RAB27A: variants seen among roughly 807,000 people sequenced by gnomAD.
RAB27A encodes ras-related protein Rab-27A.
A neutral mutation model predicts 20.8 loss-of-function variants in RAB27A; 17 were observed. That is an observed-to-expected ratio of 0.82 (90% CI 0.56 to 1.23). The LOEUF (loss-of-function observed/expected upper bound fraction) is 1.23, where lower values mean the gene tolerates loss of function less well. Among genes scored for constraint, RAB27A ranks in the 50% most tolerant of loss-of-function variants. The pLI is 0.00. For synonymous variants in RAB27A, 85 were observed against 92.8 expected (o/e 0.92, Z 0.48); for missense variants, 277 against 266.7 (o/e 1.04, Z -0.27).
At chr15:55,306,325 A>G (rs975581161) in intron 2 of RAB27A, among the ~76,000 whole-genome samples, 1 of 152,146 alleles carries the variant, frequency 6.6e-6, no homozygotes, top group Admixed American at 6.5e-5. Flanking sequence ...GGCACATCCA[A>G]CAGTTAGTAG....
At chr15:55,208,391 G>A (rs1312690592) in intron 6 of RAB27A, among the ~76,000 whole-genome samples, 1 of 152,138 alleles carries the variant, frequency 6.6e-6, no homozygotes, top group East Asian at 1.9e-4. Context: ...TCACAAGTAG[G>A]AATTTATTGT....
At chr15:55,274,413 A>T (rs1231518856) in intron 1 of RAB27A, among the ~76,000 whole-genome samples, 3 of 152,208 alleles carry the variant, frequency 2.0e-5, no homozygotes, top group African/African-American at 7.2e-5. Flanking sequence ...AAAATGAAAT[A>T]GAGACCAAAA....
intron 6 of RAB27A, among the ~76,000 whole-genome samples, chr15:55,212,775 C>T (rs934517830): frequency 3.9e-5 from 6 of 152,126 alleles, no homozygotes; most frequent in African/African-American, 9.7e-5. Flanking sequence ...GTGATCCACC[C>T]GCCTCGGCCT....
intron 2 of RAB27A, among the ~76,000 whole-genome samples, chr15:55,242,203 A>G (rs893377189): frequency 6.6e-6 from 1 of 152,298 alleles, no homozygotes; most frequent in East Asian, 1.9e-4. Context: ...AAAGGGGAGG[A>G]ATAATATTAA....
chr15:55,235,461 TAAATAAAAATAA>T lies in RAB27A; in HGVS notation c.-22-517_-22-506del, dbSNP rs554935281. On this transcript the variant is annotated intron_variant, in intron 2 of 6. Coordinates refer to ENST00000336787, the MANE Select transcript of RAB27A (RefSeq NM_183235.3). ...AAAACTCTGTCTCAAAATAAAAAAA[TAAATAAAAATAA>T]AAATAAAAATAAAAACATACATATT... Among the ~76,000 whole-genome samples the T allele has an allele frequency of 2.6e-4, 39 of 151,380 alleles. 1 individual carries two copies. Among genetic ancestry groups the T allele is most frequent in the Admixed American group, 1.1e-3 (17 of 15,152 alleles).
chr15:55,242,172 A>G (rs1376739065), intron 2 of RAB27A, among the ~76,000 whole-genome samples: 2 of 152,170 alleles, frequency 1.3e-5, no homozygotes, highest in Non-Finnish European at 2.9e-5. Context: ...TCTATTACTC[A>G]TATTTAGTAC....
intron 1 of RAB27A, among the ~76,000 whole-genome samples, chr15:55,285,765 T>C (rs1243160808): frequency 2.0e-5 from 3 of 152,234 alleles, no homozygotes; most frequent in African/African-American, 7.2e-5. Context: ...CCCGTTTCTA[T>C]TGAATAAATA....
chr15:55,241,262 G>T (rs1444646025), intron 2 of RAB27A, among the ~76,000 whole-genome samples: 1 of 152,054 alleles, frequency 6.6e-6, no homozygotes, highest in Non-Finnish European at 1.5e-5. Context: ...TCTACCTCAA[G>T]GAAATATCTT....
chr15:55,306,913 C>T (rs573178956), intron 2 of RAB27A, among the ~76,000 whole-genome samples: 189 of 152,172 alleles, frequency 1.2e-3, no homozygotes, highest in African/African-American at 4.1e-3. Context: ...ACTTTCCTCA[C>T]GGTTGTTGCT....
At chr15:55,302,625 T>A (rs1595755465) in intron 2 of RAB27A, among the ~76,000 whole-genome samples, 1 of 115,862 alleles carries the variant, frequency 8.6e-6, no homozygotes, top group Admixed American at 8.4e-5. Context: ...ATCTAGGAAG[T>A]GAGGAGCGCC....
chr15:55,312,421 G>A (rs1175097734), intron 2 of RAB27A, among the ~76,000 whole-genome samples: 1 of 152,222 alleles, frequency 6.6e-6, no homozygotes, highest in African/African-American at 2.4e-5. Flanking sequence ...CCTGTAAGGG[G>A]AATTGCTAGG....
intron 2 of RAB27A, among the ~76,000 whole-genome samples, chr15:55,242,906 T>G (rs1400836861): frequency 1.3e-5 from 2 of 152,216 alleles, no homozygotes; most frequent in African/African-American, 4.8e-5. Flanking sequence ...TAAATTCTAG[T>G]CATGTATGCA....
intron 1 of RAB27A, among the ~76,000 whole-genome samples, chr15:55,287,269 C>T (rs1257194863): frequency 6.6e-6 from 1 of 152,086 alleles, no homozygotes; most frequent in Non-Finnish European, 1.5e-5. Context: ...AGAGTGATTT[C>T]AGGGTGTTTG....
chr15:55,235,609 C>T (rs1896223947), intron 2 of RAB27A, among the ~76,000 whole-genome samples: 1 of 151,812 alleles, frequency 6.6e-6, no homozygotes, highest in Admixed American at 6.6e-5. Context: ...ACAAGAAAAA[C>T]AGAGGAAAGA....
chr15:55,252,020 G>A (rs1450011567), intron 2 of RAB27A, among the ~76,000 whole-genome samples: 1 of 152,116 alleles, frequency 6.6e-6, no homozygotes. Flanking sequence ...TAAGTACAAA[G>A]GGAGTTTTCA....
chr15:55,221,568 T>A (rs1314536729), intron 6 of RAB27A, among the ~76,000 whole-genome samples: 1 of 152,118 alleles, frequency 6.6e-6, no homozygotes, highest in African/African-American at 2.4e-5. Context: ...CACATGAAGA[T>A]CACGTGGGGA....
At chr15:55,206,366 T>G (rs1229137991) in intron 6 of RAB27A, 1 of 577,406 alleles carries the variant, frequency 1.7e-6, no homozygotes, top group Non-Finnish European at 2.2e-6. Flanking sequence ...GAGGGTTTTT[T>G]GTTTTGAGAC....
rs905780885 is a variant in RAB27A, at chr15:55,205,811, A to G, written c.468-106T>C. 9 of 1,070,498 alleles carry G rather than the reference A, an allele frequency of 8.4e-6. No homozygotes were observed. The African/African-American group carries it at 9.3e-5, about 11-fold the overall frequency. 66.3% of individuals were successfully genotyped at this position (1,070,498 alleles called of 1,614,324 possible). On this transcript the variant is annotated intron_variant, in intron 6 of 6. Coordinates refer to ENST00000336787, the MANE Select transcript of RAB27A (RefSeq NM_183235.3). ...AATCGATAGAATACAAATATACAAG[A>G]TGACAAACATTTTACCACCCCAGAG...
intron 2 of RAB27A, among the ~76,000 whole-genome samples, chr15:55,307,654 G>A (rs918704273): frequency 6.6e-6 from 1 of 151,386 alleles, no homozygotes; most frequent in African/African-American, 2.4e-5. Context: ...ACAGGGGAAG[G>A]CCTCTGCCCA....
Sources: allele counts gnomAD v4.1 joint callset (sites outside exome capture counted in the v4.1 genomes callset), GRCh38; gene constraint gnomAD v4.1.1; transcripts MANE v1.5; gene names NCBI Gene and HGNC (gene_info 2026-07-23, HGNC 2026-07-21).